The following ZFTRAF1 variants were observed in gnomAD, a reference collection of about 807,000 sequenced individuals.
ZFTRAF1 encodes the protein zinc finger TRAF-type-containing protein 1.
chr8:144,453,257 G>T, the ZFTRAF1 span: 1 of 1,551,040 alleles, frequency 6.4e-7, no homozygotes, highest in Non-Finnish European at 8.7e-7. Context: ...GCCTCTCCAG[G>T]AGGGAGCGGG....
At chr8:144,452,563 G>A in the ZFTRAF1 span, 1 of 1,536,694 alleles carries the variant, frequency 6.5e-7, no homozygotes, top group Non-Finnish European at 8.7e-7. Flanking sequence ...TACTTGCACT[G>A]GGTTACCCTG....
At chr8:144,454,605 C>A in the ZFTRAF1 span, 1 of 152,460 alleles carries the variant, frequency 6.6e-6, no homozygotes, top group Non-Finnish European at 1.5e-5. Flanking sequence ...GGGCTACAGG[C>A]TTCCTTTGGG....
the ZFTRAF1 span, chr8:144,450,078 C>CCT: frequency 2.4e-6 from 1 of 416,362 alleles, no homozygotes; most frequent in East Asian, 4.5e-5. Flanking sequence ...GGTCGCTGTG[C>CCT]CTCTCGGCCT....
the ZFTRAF1 span, chr8:144,454,469 T>C: frequency 6.6e-6 from 1 of 152,336 alleles, no homozygotes; most frequent in African/African-American, 2.4e-5. Context: ...AGGGATGTGA[T>C]GTGCCTCCCA....
At chr8:144,453,182 G>A in the ZFTRAF1 span, 1 of 1,531,730 alleles carries the variant, frequency 6.5e-7, no homozygotes, top group Non-Finnish European at 8.8e-7. Context: ...CAGCAGTCCT[G>A]GGCCCCGCCT....
chr8:144,452,771 A>G, the ZFTRAF1 span, among the ~76,000 whole-genome samples: 1 of 152,242 alleles, frequency 6.6e-6, no homozygotes, highest in South Asian at 2.1e-4. Flanking sequence ...AGAGAGGGGA[A>G]GGAAGAGTGC....
At chr8:144,449,915 C>T in the ZFTRAF1 span, 2 of 184,694 alleles carry the variant, frequency 1.1e-5, no homozygotes, top group East Asian at 1.2e-4. Flanking sequence ...GCCTTCCCCT[C>T]GAACAAAACA....
At chr8:144,452,486 G>A in the ZFTRAF1 span, 4 of 1,546,688 alleles carry the variant, frequency 2.6e-6, no homozygotes, top group Non-Finnish European at 2.6e-6. Context: ...TGGTCGGGTG[G>A]GCGCACGCAG....
the ZFTRAF1 span, chr8:144,451,016 C>T: frequency 7.5e-5 from 38 of 504,030 alleles, 2 homozygotes; most frequent in Admixed American, 7.9e-4. Flanking sequence ...AGAGGCTGCA[C>T]GTGTCAGGCC....
the ZFTRAF1 span, chr8:144,453,903 C>G: frequency 9.3e-5 from 16 of 171,768 alleles, no homozygotes; most frequent in Non-Finnish European, 1.5e-4. Context: ...CAGGCATGCT[C>G]TCTGGGCCTT....
the ZFTRAF1 span, among the ~76,000 whole-genome samples, chr8:144,461,862 C>G: frequency 2.6e-5 from 4 of 152,026 alleles, no homozygotes; most frequent in African/African-American, 9.7e-5. Context: ...AAGGAGCTCT[C>G]GAGCACAGGA....
the ZFTRAF1 span, chr8:144,450,192 G>C: frequency 3.6e-6 from 2 of 555,378 alleles, no homozygotes; most frequent in South Asian, 2.1e-5. Flanking sequence ...GGCAGGGGTC[G>C]GGGGGGTGAG....
the ZFTRAF1 span, among the ~76,000 whole-genome samples, chr8:144,459,235 G>C: frequency 5.3e-5 from 8 of 152,210 alleles, no homozygotes; most frequent in Non-Finnish European, 1.0e-4. Flanking sequence ...GCAGGGAGCC[G>C]GCAGGAACGA....
At chr8:144,460,202 G>A in the ZFTRAF1 span, among the ~76,000 whole-genome samples, 1 of 152,206 alleles carries the variant, frequency 6.6e-6, no homozygotes, top group African/African-American at 2.4e-5. Flanking sequence ...TCTGTTCCCA[G>A]GGAAGTCACT....
the ZFTRAF1 span, chr8:144,452,118 C>T: frequency 1.1e-5 from 6 of 568,644 alleles, no homozygotes; most frequent in Admixed American, 2.8e-5. Context: ...GACAGGTGGG[C>T]GGGGCTGCTG....
the ZFTRAF1 span, chr8:144,451,071 C>T: frequency 1.2e-5 from 4 of 346,006 alleles, no homozygotes; most frequent in African/African-American, 2.0e-5. Context: ...CTCACCGCCC[C>T]GAGCCCCGGG....
chr8:144,452,902 G>A, the ZFTRAF1 span, among the ~76,000 whole-genome samples: 1 of 152,240 alleles, frequency 6.6e-6, no homozygotes, highest in Non-Finnish European at 1.5e-5. Context: ...GGTAGCCATG[G>A]GCAGTGTACC....
the ZFTRAF1 span, chr8:144,452,312 C>T: frequency 4.5e-5 from 69 of 1,539,672 alleles, no homozygotes; most frequent in Non-Finnish European, 5.7e-5. Flanking sequence ...CTGCCAGCCC[C>T]CCAACCCACA....
chr8:144,457,830 CCT>C, the ZFTRAF1 span: 1 of 152,292 alleles, frequency 6.6e-6, no homozygotes, highest in Non-Finnish European at 1.5e-5. Flanking sequence ...CTGGGGACCT[CCT>C]GTTTGCCACT....
Sources: allele counts gnomAD v4.1 joint callset (sites outside exome capture counted in the v4.1 genomes callset), GRCh38; gene constraint gnomAD v4.1.1; transcripts MANE v1.5; gene names NCBI Gene and HGNC (gene_info 2026-07-23, HGNC 2026-07-21).